The following GFRAL variants were observed in gnomAD, a reference collection of about 807,000 sequenced individuals.
GFRAL encodes GDNF family receptor alpha-like.
GFRAL carries 36 observed loss-of-function variants against 45.4 expected under a neutral mutation model. The ratio of observed to expected loss-of-function variants is 0.79; its 90% CI spans 0.61 to 1.05. The LOEUF is 1.05. Among genes scored for constraint, GFRAL ranks in the 50% least tolerant of loss-of-function variants. The pLI is 0.00. For synonymous variants in GFRAL, 166 were observed against 154.1 expected (o/e 1.08, Z -0.57); for missense variants, 507 against 467.5 (o/e 1.08, Z -0.78).
chr6:55,380,833 T>C (rs953125594), intron 6 of GFRAL, among the ~76,000 whole-genome samples: 1 of 151,972 alleles, frequency 6.6e-6, no homozygotes, highest in African/African-American at 2.4e-5. Flanking sequence ...TTGAATTCAA[T>C]AGCTTTTCCT....
intron 3 of GFRAL, among the ~76,000 whole-genome samples, chr6:55,340,662 G>T (rs1274339496): frequency 6.6e-6 from 1 of 152,158 alleles, no homozygotes; most frequent in African/African-American, 2.4e-5. Flanking sequence ...ACTGGGGCTT[G>T]TCAGACAGTG....
At chr6:55,379,182 G>T (rs1011785527) in intron 6 of GFRAL, among the ~76,000 whole-genome samples, 4 of 151,862 alleles carry the variant, frequency 2.6e-5, no homozygotes, top group African/African-American at 9.7e-5. Context: ...TTTATTTTAG[G>T]TTTGGGGGTA....
chr6:55,352,756 T>C (rs9396084), intron 5 of GFRAL, among the ~76,000 whole-genome samples: 152,153 of 152,162 alleles, frequency 1, 76,072 homozygotes, highest in Middle Eastern at 1. Context: ...ACATGTATGC[T>C]ATGACCATAG....
At chr6:55,337,812 T>A (rs187829268) in intron 3 of GFRAL, among the ~76,000 whole-genome samples, 494 of 152,320 alleles carry the variant, frequency 3.2e-3, no homozygotes, top group African/African-American at 0.011. Context: ...ATAATTTGTA[T>A]AATTTGTGTC....
In GFRAL at chr6:55,343,623, G is replaced by A. The variant is rs370351019; in HGVS notation, c.317-6469G>A. Among the ~76,000 whole-genome samples, 16 of 152,050 alleles carry A rather than the reference G, an allele frequency of 1.1e-4. No homozygotes were observed. The East Asian group carries it at 2.5e-3, about 24-fold the overall frequency. On this transcript the variant is annotated intron_variant, in intron 3 of 8. Coordinates refer to ENST00000340465, the MANE Select transcript of GFRAL (RefSeq NM_207410.2). The stretch of plus-strand genomic sequence containing the variant: ...TAACATCACAATTAAAAGAACTAGA[G>A]AAGCAAGAGCAAACACATTCAAAAG...
chr6:55,342,164 A>T (rs1253795104), intron 3 of GFRAL, among the ~76,000 whole-genome samples: 1 of 152,216 alleles, frequency 6.6e-6, no homozygotes, highest in East Asian at 1.9e-4. Flanking sequence ...AATTCAGGAA[A>T]TACAGAGAAT....
chr6:55,365,189 C>G (rs1768343138), intron 6 of GFRAL, among the ~76,000 whole-genome samples: 1 of 149,272 alleles, frequency 6.7e-6, no homozygotes, highest in Admixed American at 6.6e-5. Context: ...GTATTTTATT[C>G]TCTTTGAAGC....
chr6:55,365,097 T>C (rs1003279819), intron 6 of GFRAL, among the ~76,000 whole-genome samples: 13 of 151,616 alleles, frequency 8.6e-5, no homozygotes, highest in African/African-American at 3.2e-4. Context: ...CATTTGTTTG[T>C]ATCCTCTTTT....
At chr6:55,357,154 TGTG>T (rs1413800260) in intron 5 of GFRAL, among the ~76,000 whole-genome samples, 1 of 151,926 alleles carries the variant, frequency 6.6e-6, no homozygotes, top group Non-Finnish European at 1.5e-5. Flanking sequence ...AGGAGAATAA[TGTG>T]TATTCTTCAG....
intron 6 of GFRAL, among the ~76,000 whole-genome samples, chr6:55,359,823 C>T (rs951475321): frequency 1.3e-5 from 2 of 151,976 alleles, no homozygotes; most frequent in Non-Finnish European, 2.9e-5. Context: ...CAAAGCAAAT[C>T]ACAATGGCCA....
chr6:55,390,324 A>G (rs1768732180), intron 6 of GFRAL, among the ~76,000 whole-genome samples: 1 of 152,202 alleles, frequency 6.6e-6, no homozygotes, highest in African/African-American at 2.4e-5. Flanking sequence ...GCAATTGTCA[A>G]ATTTCAGTGG....
intron 5 of GFRAL, among the ~76,000 whole-genome samples, chr6:55,353,256 A>T (rs985303001): frequency 2.6e-5 from 4 of 152,052 alleles, no homozygotes; most frequent in South Asian, 2.1e-4. Context: ...TGGCAAAAAA[A>T]CACAAAAAGT....
At chr6:55,358,484 A>G (rs72972842) in intron 5 of GFRAL, among the ~76,000 whole-genome samples, 28,976 of 151,896 alleles carry the variant, frequency 0.19, 3,178 homozygotes, top group African/African-American at 0.3. Flanking sequence ...TGACTTGAAA[A>G]GTCAAATACC....
intron 3 of GFRAL, among the ~76,000 whole-genome samples, chr6:55,345,823 A>G (rs1768033892): frequency 6.6e-6 from 1 of 152,244 alleles, no homozygotes; most frequent in South Asian, 2.1e-4. Context: ...CCCAGAATCT[A>G]CAAAGAACTC....
intron 6 of GFRAL, among the ~76,000 whole-genome samples, chr6:55,370,211 ATT>A (rs1242426116): frequency 2.6e-5 from 4 of 151,998 alleles, no homozygotes; most frequent in Non-Finnish European, 5.9e-5. Flanking sequence ...GAAAAATAAC[ATT>A]GTCATGATTT....
At chr6:55,385,578 G>T (rs963639797) in intron 6 of GFRAL, among the ~76,000 whole-genome samples, 1 of 152,060 alleles carries the variant, frequency 6.6e-6, no homozygotes, top group Non-Finnish European at 1.5e-5. Flanking sequence ...AGACAATAGA[G>T]CCAGAATTTA....
intron 6 of GFRAL, among the ~76,000 whole-genome samples, chr6:55,380,573 C>A (rs895314237): frequency 7.9e-5 from 12 of 151,932 alleles, no homozygotes; most frequent in African/African-American, 7.2e-5. Flanking sequence ...CTCTAATCCA[C>A]ATTTGGGAAA....
At chr6:55,346,477 G>C (rs1318143926) in intron 3 of GFRAL, among the ~76,000 whole-genome samples, 1 of 152,030 alleles carries the variant, frequency 6.6e-6, no homozygotes, top group Non-Finnish European at 1.5e-5. Context: ...TCACTCATAG[G>C]TGGGAATTGA....
At chr6:55,340,005 G>A (rs560001917) in intron 3 of GFRAL, among the ~76,000 whole-genome samples, 21 of 152,306 alleles carry the variant, frequency 1.4e-4, no homozygotes, top group African/African-American at 5.1e-4. Flanking sequence ...CACTCGATGA[G>A]AGTTTCATAT....
Sources: allele counts gnomAD v4.1 joint callset (sites outside exome capture counted in the v4.1 genomes callset), GRCh38; gene constraint gnomAD v4.1.1; transcripts MANE v1.5; gene names NCBI Gene and HGNC (gene_info 2026-07-23, HGNC 2026-07-21).